RBFOX1: variants seen among roughly 807,000 people sequenced by gnomAD.
RBFOX1 encodes RNA binding protein fox-1 homolog 1.
A neutral mutation model predicts 57.7 loss-of-function variants in RBFOX1; 8 were observed. The ratio of observed to expected loss-of-function variants is 0.14; its 90% CI spans 0.08 to 0.25. RBFOX1 has a LOEUF of 0.25. Ranked by LOEUF, RBFOX1 falls within the 10% of genes least tolerant of loss-of-function variation. RBFOX1 has a pLI of 1.00. For synonymous variants in RBFOX1, 326 were observed against 222.4 expected (o/e 1.47, Z -4.15); for missense variants, 611 against 548.5 (o/e 1.11, Z -1.14).
At chr16:5,439,198 GAGA>G (rs1660787843) in intron 1 of RBFOX1, among the ~76,000 whole-genome samples, 2 of 152,102 alleles carry the variant, frequency 1.3e-5, no homozygotes, top group Admixed American at 1.3e-4. Context: ...GAGTCGGAAG[GAGA>G]AGATGTGGTA....
chr16:6,169,616 G>A (rs980962021), intron 1 of RBFOX1, among the ~76,000 whole-genome samples: 2 of 151,976 alleles, frequency 1.3e-5, no homozygotes, highest in South Asian at 2.1e-4. Flanking sequence ...TAGAAGTGAG[G>A]TACAGAACTG....
chr16:6,256,259 GTA>G lies in RBFOX1; in HGVS notation c.-126-60726_-126-60725del, dbSNP rs1247409611. On this transcript the variant is annotated intron_variant, in intron 1 of 15. Transcript: ENST00000550418. ...TGTATATATATATGTATATATATGTGTATATATATATGTATATATATATGTGT... is the reference window on the plus strand; with the variant it reads ...TGTATATATATATGTATATATATGTGTATATATATGTATATATATATGTGT... Among the ~76,000 whole-genome samples, 273 of 96,194 alleles carry G rather than the reference GTA, an allele frequency of 2.8e-3. 4 individuals are homozygous for G. The highest frequency in any genetic ancestry group is 0.013 in the African/African-American group (264 of 19,632). The allele number at this position is 96,194 out of a possible 152,430, so 63.1% of individuals were successfully genotyped here.
At chr16:6,645,298 T>C (rs1310060966) in intron 2 of RBFOX1, among the ~76,000 whole-genome samples, 1 of 152,206 alleles carries the variant, frequency 6.6e-6, no homozygotes, top group East Asian at 1.9e-4. Context: ...CACTAGGGAC[T>C]AGTCGGCTTG....
chr16:7,425,429 C>T (rs997612560), intron 4 of RBFOX1, among the ~76,000 whole-genome samples: 3 of 152,184 alleles, frequency 2.0e-5, no homozygotes, highest in Non-Finnish European at 4.4e-5. Flanking sequence ...TCCTCAAAAC[C>T]TGTTCCTACT....
rs1479806186 is a variant in RBFOX1, at chr16:7,014,143, A to G, written c.-15-37914A>G. On this transcript the variant is annotated intron_variant, in intron 3 of 15. Transcript: ENST00000550418. The stretch of plus-strand genomic sequence containing the variant: ...TTGTGTATGCAGAATAAATGCTCAA[A>G]AAGAACTGTCCAAGGTGCTGAAACT... Among the ~76,000 whole-genome samples, 15 of 152,310 alleles carry G rather than the reference A, an allele frequency of 9.8e-5. No homozygotes were observed. In the Middle Eastern group the frequency reaches 0.02, roughly 207 times the overall value.
At chr16:6,624,479 A>C (rs1328586938) in intron 2 of RBFOX1, among the ~76,000 whole-genome samples, 2 of 152,166 alleles carry the variant, frequency 1.3e-5, no homozygotes, top group East Asian at 3.9e-4. Context: ...ATTTCTCACA[A>C]GGTAATCTAC....
At chr16:6,533,015 C>T (rs978880189) in intron 2 of RBFOX1, among the ~76,000 whole-genome samples, 1 of 152,156 alleles carries the variant, frequency 6.6e-6, no homozygotes, top group African/African-American at 2.4e-5. Context: ...GGGAATGAGT[C>T]CTAAGAAGAT....
At chr16:5,915,836 GA>G (rs371995738) in intron 4 of RBFOX1, among the ~76,000 whole-genome samples, 5,753 of 146,414 alleles carry the variant, frequency 0.039, 362 homozygotes, top group African/African-American at 0.13. Context: ...AGTATAAAAA[GA>G]AAAAAAAAAG....
chr16:6,738,629 C>T (rs1351340846), intron 3 of RBFOX1, among the ~76,000 whole-genome samples: 1 of 152,128 alleles, frequency 6.6e-6, no homozygotes, highest in African/African-American at 2.4e-5. Flanking sequence ...CACCATCAAC[C>T]AACAAGATGT....
In RBFOX1 at chr16:6,126,950, G is replaced by T. The variant is rs577305265; in HGVS notation, c.-127+106958G>T. 9.2e-5 allele frequency among the ~76,000 whole-genome samples: 14 copies of T among 152,276 alleles called. No homozygotes were observed. In the East Asian group the frequency reaches 2.7e-3, roughly 29 times the overall value. The stretch of plus-strand genomic sequence containing the variant: ...AGGTACTAGGAAAAAAATCAATGTG[G>T]TTGTGAGATAAAAAACAAGGAGGGT... On this transcript the variant is annotated intron_variant, in intron 1 of 15. Transcript: ENST00000550418.
At chr16:7,364,761 C>A (rs376612362) in intron 4 of RBFOX1, among the ~76,000 whole-genome samples, 1 of 152,126 alleles carries the variant, frequency 6.6e-6, no homozygotes, top group South Asian at 2.1e-4. Flanking sequence ...TAGTTGTGTT[C>A]TCTCTCTAAG....
intron 2 of RBFOX1, among the ~76,000 whole-genome samples, chr16:6,611,044 A>G (rs1054086211): frequency 1.3e-5 from 2 of 152,218 alleles, no homozygotes; most frequent in Admixed American, 1.3e-4. Context: ...GTTATTGTGG[A>G]AATAAGATTT....
chr16:5,938,556 T>C (rs1209840649), intron 4 of RBFOX1, among the ~76,000 whole-genome samples: 5 of 152,226 alleles, frequency 3.3e-5, no homozygotes. Flanking sequence ...CCTATTTCAC[T>C]AAGGTGTGGG....
rs141043940 is a variant in RBFOX1 at position 5,800,576 on chromosome 16, T to C, written c.319-66727T>C. Among the ~76,000 whole-genome samples, 245 of 152,086 alleles carry C rather than the reference T, an allele frequency of 1.6e-3. 2 individuals carry two copies. The highest frequency in any genetic ancestry group is 2.6e-3 in the Non-Finnish European group (179 of 67,992). On this transcript the variant is annotated intron_variant, in intron 3 of 19. Coordinates refer to the RBFOX1 transcript ENST00000641259. ...GACAGATGACCAAGGATGTGTGGAA[T>C]TGGAGGACACGGGATGGTGAAATGG...
chr16:5,807,707 T>G (rs928917576), intron 3 of RBFOX1, among the ~76,000 whole-genome samples: 1 of 152,186 alleles, frequency 6.6e-6, no homozygotes, highest in Non-Finnish European at 1.5e-5. Flanking sequence ...GGTTGAAGTC[T>G]ACATCGGTGC....
intron 3 of RBFOX1, among the ~76,000 whole-genome samples, chr16:7,044,026 C>G (rs1183145266): frequency 2.0e-5 from 3 of 152,212 alleles, no homozygotes; most frequent in East Asian, 1.9e-4. Flanking sequence ...TTTCACTGTA[C>G]AAATGTTCTC....
intron 3 of RBFOX1, among the ~76,000 whole-genome samples, chr16:6,698,517 A>G (rs1284214057): frequency 1.3e-5 from 2 of 151,942 alleles, no homozygotes; most frequent in Admixed American, 1.3e-4. Flanking sequence ...TGAGCGCTTA[A>G]CTCTTTCTTT....
chr16:7,074,327 G>C lies in RBFOX1; in HGVS notation c.27+22229G>C, dbSNP rs191269860. ...AAACCATAAGCAAGAACCAAACTGA[G>C]ATTCTGTTAGGTTGATGCAAAAGTA... On this transcript the variant is annotated intron_variant, in intron 4 of 15. Coordinates refer to ENST00000550418, the MANE Select transcript of RBFOX1 (RefSeq NM_018723.4). Among the ~76,000 whole-genome samples the C allele has an allele frequency of 8.7e-4, 133 of 152,322 alleles. No individual in the cohort carries two copies. In the East Asian group the frequency reaches 0.018, roughly 21 times the overall value.
chr16:6,035,517 A>G (rs2095354450), intron 1 of RBFOX1, among the ~76,000 whole-genome samples: 1 of 152,186 alleles, frequency 6.6e-6, no homozygotes, highest in African/African-American at 2.4e-5. Flanking sequence ...AAGTAGACTT[A>G]TAAAAAATTA....
Sources: gnomAD v4.1 joint callset for allele counts (sites outside exome capture counted in the v4.1 genomes callset) on GRCh38, gnomAD v4.1.1 for gene constraint, MANE v1.5 for transcripts, NCBI Gene and HGNC (gene_info 2026-07-23, HGNC 2026-07-21) for gene names.